The following RAB27B variants were observed in gnomAD, a reference collection of about 807,000 sequenced individuals.
The protein encoded by RAB27B is RAB27B, member RAS oncogene family.
RAB27B carries 15 observed loss-of-function variants against 24.6 expected under a neutral mutation model. The observed-to-expected ratio is 0.61, with a 90% confidence interval of 0.41 to 0.94. The LOEUF is 0.94. Among genes scored for constraint, RAB27B ranks in the 40% least tolerant of loss-of-function variants. RAB27B has a pLI of 0.00. For missense variants in RAB27B, 261 were observed against 266.8 expected, an observed-to-expected ratio of 0.98 and a Z score of 0.15; for synonymous variants, 105 against 92.5, an observed-to-expected ratio of 1.14 and a Z score of -0.78.
intron 2 of RAB27B, among the ~76,000 whole-genome samples, chr18:54,724,254 G>A (rs948545476): frequency 4.6e-5 from 7 of 151,762 alleles, no homozygotes; most frequent in African/African-American, 1.7e-4. Context: ...CTTAGCAACA[G>A]CATATATAGA....
chr18:54,866,671 CA>C (rs1363372465), intron 1 of RAB27B, among the ~76,000 whole-genome samples: 1 of 152,188 alleles, frequency 6.6e-6, no homozygotes, highest in African/African-American at 2.4e-5. Flanking sequence ...GAAGAGAGGG[CA>C]GGGGTCCCTC....
intron 1 of RAB27B, among the ~76,000 whole-genome samples, chr18:54,853,288 T>G (rs1911659227): frequency 6.6e-6 from 1 of 152,182 alleles, no homozygotes; most frequent in Non-Finnish European, 1.5e-5. Flanking sequence ...CAATCTCAAT[T>G]CATCTAGAAG....
intron 2 of RAB27B, among the ~76,000 whole-genome samples, chr18:54,793,697 G>A (rs1260293547): frequency 7.2e-5 from 11 of 152,170 alleles, no homozygotes; most frequent in Admixed American, 7.2e-4. Flanking sequence ...AAACACCACT[G>A]GTGATTTGTA....
chr18:54,784,957 C>A (rs1909034430), intron 2 of RAB27B, among the ~76,000 whole-genome samples: 5 of 152,196 alleles, frequency 3.3e-5, no homozygotes, highest in African/African-American at 1.2e-4. Flanking sequence ...AGAAAGCCTA[C>A]CATTACTTTG....
chr18:54,767,379 T>A (rs1908396958), intron 2 of RAB27B, among the ~76,000 whole-genome samples: 1 of 151,242 alleles, frequency 6.6e-6, no homozygotes, highest in Non-Finnish European at 1.5e-5. Context: ...TGGTTAAAGG[T>A]CATAGTATAG....
At chr18:54,857,256 A>G (rs376234206) in intron 1 of RAB27B, among the ~76,000 whole-genome samples, 1 of 152,162 alleles carries the variant, frequency 6.6e-6, no homozygotes, top group East Asian at 1.9e-4. Flanking sequence ...TGTCTTACCT[A>G]CCCACTCACA....
intron 1 of RAB27B, among the ~76,000 whole-genome samples, chr18:54,849,651 G>A (rs918286100): frequency 2.6e-5 from 4 of 152,170 alleles, no homozygotes; most frequent in Admixed American, 6.5e-5. Flanking sequence ...AACCCAGGAG[G>A]TGGAGGTTGC....
intron 1 of RAB27B, among the ~76,000 whole-genome samples, chr18:54,832,049 C>A (rs1240860347): frequency 1.3e-5 from 2 of 152,186 alleles, no homozygotes; most frequent in Admixed American, 1.3e-4. Context: ...GCTGGGATTA[C>A]AGATGTGAGC....
intron 2 of RAB27B, among the ~76,000 whole-genome samples, chr18:54,789,036 A>C (rs62091654): frequency 0.53 from 79,882 of 152,046 alleles, 22,135 homozygotes; most frequent in Middle Eastern, 0.63. Context: ...TAATATATTT[A>C]TCCTAGGTAT....
chr18:54,804,389 G>A (rs1909702661), intron 2 of RAB27B, among the ~76,000 whole-genome samples: 1 of 152,108 alleles, frequency 6.6e-6, no homozygotes, highest in Non-Finnish European at 1.5e-5. Context: ...AGATCTGATG[G>A]GTTTATGAGG....
At chr18:54,813,621 A>G (rs2145153343) in intron 2 of RAB27B, among the ~76,000 whole-genome samples, 1 of 152,336 alleles carries the variant, frequency 6.6e-6, no homozygotes, top group South Asian at 2.1e-4. Context: ...AGGCCTTGCC[A>G]GAAGCCAAGT....
At chr18:54,834,803 A>G (rs1910830873) in intron 1 of RAB27B, among the ~76,000 whole-genome samples, 1 of 151,950 alleles carries the variant, frequency 6.6e-6, no homozygotes, top group South Asian at 2.1e-4. Flanking sequence ...ACTTTATTTT[A>G]GTCCTCTTTC....
chr18:54,733,115 A>G lies in RAB27B; in HGVS notation c.-20+14974A>G, dbSNP rs147794653. ...GGCTGGAGTGTGGTGGCATGATCATAGCTCACTGTAACCTCAAACTCCTGG... is the reference window on the plus strand; with the variant it reads ...GGCTGGAGTGTGGTGGCATGATCATGGCTCACTGTAACCTCAAACTCCTGG... On this transcript the variant is annotated intron_variant, in intron 2 of 4. Transcript: ENST00000586570. Among the ~76,000 whole-genome samples the G allele has an allele frequency of 5.5e-3, 842 of 152,158 alleles. 4 individuals carry two copies. Among genetic ancestry groups the G allele is most frequent in the Middle Eastern group, 0.014 (4 of 294 alleles).
chr18:54,833,531 A>C (rs1168768646), intron 1 of RAB27B, among the ~76,000 whole-genome samples: 1 of 152,086 alleles, frequency 6.6e-6, no homozygotes, highest in East Asian at 1.9e-4. Context: ...CCGGCCATGA[A>C]TCCCTCTTCT....
intron 2 of RAB27B, among the ~76,000 whole-genome samples, chr18:54,741,719 T>G (rs576350534): frequency 6.6e-6 from 1 of 152,200 alleles, no homozygotes; most frequent in Non-Finnish European, 1.5e-5. Flanking sequence ...CCCAAGCTGG[T>G]CTTGAACTCT....
rs573851233 is a variant in RAB27B at position 54,857,520 on chromosome 18, C to T, written c.-19-20047C>T. On this transcript the variant is annotated intron_variant, in intron 1 of 5. Coordinates refer to ENST00000262094, the MANE Select transcript of RAB27B (RefSeq NM_004163.4). ...ATTTATACAATTTGTATTGTAAATT[C>T]TATATATTTCTGGCTTACTCCATAA... Among the ~76,000 whole-genome samples, 19 of 152,296 alleles carry T rather than the reference C, an allele frequency of 1.2e-4. No homozygotes were observed. In the South Asian group the frequency reaches 3.3e-3, roughly 27 times the overall value.
At chr18:54,820,942 T>C (rs993212152) in intron 2 of RAB27B, among the ~76,000 whole-genome samples, 10 of 152,336 alleles carry the variant, frequency 6.6e-5, no homozygotes, top group Non-Finnish European at 1.3e-4. Context: ...TGCGGCATTA[T>C]TTCTGAGGGC....
chr18:54,801,011 T>TG (rs1568070840), intron 2 of RAB27B, among the ~76,000 whole-genome samples: 3 of 78,242 alleles, frequency 3.8e-5, no homozygotes, highest in South Asian at 4.5e-4. Flanking sequence ...TTCCTGTGTT[T>TG]TTTTTTTTTT....
chr18:54,728,365 C>T (rs1228064534), intron 2 of RAB27B, among the ~76,000 whole-genome samples: 2 of 152,152 alleles, frequency 1.3e-5, no homozygotes, highest in Non-Finnish European at 1.5e-5. Flanking sequence ...TTATCTTTTA[C>T]TCTTGCCCCC....
Sources: allele counts gnomAD v4.1 joint callset (sites outside exome capture counted in the v4.1 genomes callset), GRCh38; gene constraint gnomAD v4.1.1; transcripts MANE v1.5; gene names NCBI Gene and HGNC (gene_info 2026-07-23, HGNC 2026-07-21).